The following ATP11A variants were observed in gnomAD, a reference collection of about 807,000 sequenced individuals.
ATP11A encodes ATPase phospholipid transporting 11A.
A neutral mutation model predicts 154.4 loss-of-function variants in ATP11A; 81 were observed. The observed-to-expected ratio is 0.52, with a 90% CI of 0.44 to 0.63. The LOEUF (loss-of-function observed/expected upper bound fraction) is 0.63. ATP11A is among the 30% of genes least tolerant of loss of function. ATP11A has a pLI of 0.00. For synonymous variants in ATP11A, 623 were observed against 585.9 expected (o/e 1.06, Z -0.91); for missense variants, 1,316 against 1,474.3 (o/e 0.89, Z 1.76).
chr13:112,699,981 G>A (rs1457439432), intron 1 of ATP11A, among the ~76,000 whole-genome samples: 1 of 151,204 alleles, frequency 6.6e-6, no homozygotes, highest in African/African-American at 2.4e-5. Flanking sequence ...ACATTGTAAA[G>A]CGCTGTAAAA....
chr13:112,788,122 T>C (rs2077709870), intron 2 of ATP11A, among the ~76,000 whole-genome samples: 1 of 151,298 alleles, frequency 6.6e-6, no homozygotes, highest in Admixed American at 6.6e-5. Flanking sequence ...ACCTACTTAA[T>C]CCACACCGGG....
intron 29 of ATP11A, among the ~76,000 whole-genome samples, chr13:112,879,741 C>T (rs539839294): frequency 2.8e-4 from 43 of 152,338 alleles, no homozygotes; most frequent in African/African-American, 9.9e-4. Flanking sequence ...AGACCACCTG[C>T]GTTCTGCAAA....
chr13:112,852,829 A>G (rs1363682760), intron 18 of ATP11A, among the ~76,000 whole-genome samples: 1 of 151,782 alleles, frequency 6.6e-6, no homozygotes, highest in African/African-American at 2.4e-5. Flanking sequence ...ACTTGCTTAT[A>G]AATTATTTCC....
chr13:112,800,701 C>G (rs7328808), intron 2 of ATP11A, among the ~76,000 whole-genome samples: 1 of 152,050 alleles, frequency 6.6e-6, no homozygotes, highest in East Asian at 1.9e-4. Context: ...ACCAGAAAGA[C>G]GATATCACAC....
intron 2 of ATP11A, among the ~76,000 whole-genome samples, chr13:112,803,798 T>C: frequency 1.1e-5 from 1 of 93,872 alleles, no homozygotes; most frequent in East Asian, 3.7e-4. Context: ...CCTGCCTTAC[T>C]TCCCCTCCCT....
intron 24 of ATP11A, among the ~76,000 whole-genome samples, chr13:112,862,055 G>A (rs1448279215): frequency 4.0e-5 from 6 of 151,874 alleles, no homozygotes; most frequent in East Asian, 2.1e-4. Flanking sequence ...CACAGCAGGC[G>A]TAAGGCATCA....
chr13:112,723,602 G>T lies in ATP11A; in HGVS notation c.39+33147G>T, dbSNP rs150492649. The stretch of plus-strand genomic sequence containing the variant: ...GTATTCTGTTTGTTTTATGATCTCT[G>T]TATTGATGTTAATGCTGGTCAGTTG... On this transcript the variant is annotated intron_variant, in intron 1 of 29. Transcript: ENST00000375645. Among the ~76,000 whole-genome samples the T allele has an allele frequency of 3.4e-3, 521 of 151,630 alleles. 8 individuals carry two copies. Among genetic ancestry groups the T allele is most frequent in the African/African-American group, 0.012 (484 of 41,340 alleles).
chr13:112,814,220 T>C (rs1310828788), intron 5 of ATP11A, among the ~76,000 whole-genome samples: 3 of 152,024 alleles, frequency 2.0e-5, no homozygotes, highest in Non-Finnish European at 4.4e-5. Flanking sequence ...TGCACCACCA[T>C]GCCTGTCTAA....
At chr13:112,833,225 C>G (rs1299506963) in intron 14 of ATP11A, among the ~76,000 whole-genome samples, 2 of 152,192 alleles carry the variant, frequency 1.3e-5, no homozygotes, top group African/African-American at 4.8e-5. Flanking sequence ...CGTCTGGTCC[C>G]CGGCGCGTGA....
At chr13:112,731,654 A>G (rs941483243) in intron 1 of ATP11A, among the ~76,000 whole-genome samples, 6 of 152,198 alleles carry the variant, frequency 3.9e-5, no homozygotes, top group African/African-American at 1.4e-4. Flanking sequence ...AAGGTGCGGG[A>G]GGAGACAGTA....
intron 1 of ATP11A, among the ~76,000 whole-genome samples, chr13:112,741,707 A>G (rs927763420): frequency 2.0e-5 from 3 of 152,110 alleles, no homozygotes; most frequent in Non-Finnish European, 4.4e-5. Flanking sequence ...CTCTCTGCCC[A>G]TATTCAGTGG....
chr13:112,788,064 A>C (rs1052129465), intron 2 of ATP11A, among the ~76,000 whole-genome samples: 365 of 147,744 alleles, frequency 2.5e-3, no homozygotes, highest in African/African-American at 9.1e-3. Context: ...CCCTGTGGAT[A>C]CCTACTTAAT....
rs1315624185 is a variant in ATP11A, at chr13:112,785,154, G to A, written c.59G>A (p.Trp20Ter). 6.4e-7 allele frequency: 1 copy of A among 1,560,510 alleles called. No homozygotes were observed. The highest frequency in any genetic ancestry group is 8.7e-7 in the Non-Finnish European group (1 of 1,154,776). Reference protein sequence around the residue: ...VHRYCAGEENWVDSRTIYVGH... With the variant: ...VHRYCAGEEN ...CCGCAGTGTGCAGGAGAAGAGAATT[G>A]GGTGGACAGCAGGACCATCTACGTG... Residue 20 changes from tryptophan (W) to a stop codon, truncating the protein, a stop_gained, in exon 2 of 30, where the codon TGG becomes TAG. Transcript: ENST00000375645. LOFTEE classifies it high-confidence loss of function. The surrounding 1 kb of genome is among the most constrained non-coding windows in gnomAD (Gnocchi z 4.8).
intron 1 of ATP11A, among the ~76,000 whole-genome samples, chr13:112,737,629 G>A (rs1017449370): frequency 6.6e-6 from 1 of 152,324 alleles, no homozygotes; most frequent in South Asian, 2.1e-4. Flanking sequence ...GGAGGTCACC[G>A]AGGGCCTCGT....
chr13:112,831,422 C>A lies in ATP11A; in HGVS notation c.1269C>A (p.Asn423Lys). 3.7e-6 allele frequency: 6 copies of A among 1,614,222 alleles called. No individual in the cohort carries two copies. The highest frequency in any genetic ancestry group is 4.2e-6 in the Non-Finnish European group (5 of 1,180,024). The change falls in exon 13 of 30, where the codon AAC becomes AAA. Residue 423 changes from asparagine to lysine, a missense_variant. Coordinates refer to ENST00000375645, the MANE Select transcript of ATP11A (RefSeq NM_015205.3). ...TDKTGTLTEN[N>K]MEFKECCIEG... is the part of the protein sequence containing the mutation. ...AGACCGGCACCCTCACGGAAAACAACATGGAGTTCAAGGAGTGCTGCATCG... is the reference window on the plus strand; with the variant it reads ...AGACCGGCACCCTCACGGAAAACAAAATGGAGTTCAAGGAGTGCTGCATCG...
At chr13:112,854,594 C>T (rs953148114) in intron 19 of ATP11A, 64 bp downstream of exon 19, 158 of 1,540,216 alleles carry the variant, frequency 1.0e-4, no homozygotes, top group Middle Eastern at 4.7e-4. Context: ...ACCCAGTGGC[C>T]TTCACCTGCA....
chr13:112,801,917 T>C (rs1488891004), intron 2 of ATP11A, among the ~76,000 whole-genome samples: 2 of 152,238 alleles, frequency 1.3e-5, no homozygotes, highest in Admixed American at 1.3e-4. Flanking sequence ...AAACTGATTC[T>C]GCATTTATAT....
chr13:112,810,828 C>T, intron 5 of ATP11A, 102 bp downstream of exon 5: 5 of 1,000,512 alleles, frequency 5.0e-6, no homozygotes, highest in Non-Finnish European at 7.6e-6. Flanking sequence ...CCCAGCTACT[C>T]AGGAGGCTGA....
chr13:112,879,727 G>A (rs554311650), intron 29 of ATP11A, among the ~76,000 whole-genome samples: 4 of 152,234 alleles, frequency 2.6e-5, no homozygotes, highest in Admixed American at 6.5e-5. Flanking sequence ...ACGCCGTGGC[G>A]CCGAGACCAC....
Sources: gnomAD v4.1 joint callset for allele counts (sites outside exome capture counted in the v4.1 genomes callset) on GRCh38, gnomAD v4.1.1 for gene constraint, Gnocchi (gnomAD v3.1) non-coding constraint, MANE v1.5 for transcripts, NCBI Gene and HGNC (gene_info 2026-07-23, HGNC 2026-07-21) for gene names.